CNTN3: variants seen among roughly 807,000 people sequenced by gnomAD.
The protein encoded by CNTN3 is contactin 3, also known as contactin-3.
Under a neutral mutation model 119.1 loss-of-function variants are expected in CNTN3, and 60 were observed. That is an observed-to-expected ratio of 0.50 (90% confidence interval 0.41 to 0.62). The LOEUF (loss-of-function observed/expected upper bound fraction) is 0.62, where lower values mean the gene tolerates loss of function less well. Among genes scored for constraint, CNTN3 ranks in the 20% least tolerant of loss-of-function variants. The probability of loss-of-function intolerance (pLI) is 0.00; values close to 1 mark genes in which losing one functional copy is unlikely to be tolerated. For synonymous variants in CNTN3, 450 were observed against 438.7 expected (o/e 1.03, Z -0.32); for missense variants, 1,101 against 1,242.4 (o/e 0.89, Z 1.71).
chr3:74,290,677 T>C (rs1250879972), intron 19 of CNTN3, among the ~76,000 whole-genome samples: 1 of 152,166 alleles, frequency 6.6e-6, no homozygotes, highest in African/African-American at 2.4e-5. Flanking sequence ...AGGACTGCCA[T>C]ATGTGTTCAT....
At chr3:74,413,854 A>G (rs898070459) in intron 5 of CNTN3, among the ~76,000 whole-genome samples, 4 of 152,220 alleles carry the variant, frequency 2.6e-5, no homozygotes, top group Non-Finnish European at 5.9e-5. Flanking sequence ...AAGGAAGGGG[A>G]TCAATTCTGA....
At chr3:74,577,193 T>C (rs528201800) in intron 1 of CNTN3, among the ~76,000 whole-genome samples, 63 of 152,306 alleles carry the variant, frequency 4.1e-4, no homozygotes, top group African/African-American at 1.4e-3. Context: ...CAAAGATGTT[T>C]TAGATGAATG....
intron 4 of CNTN3, among the ~76,000 whole-genome samples, chr3:74,467,805 G>C (rs943708113): frequency 2.0e-5 from 3 of 152,126 alleles, no homozygotes; most frequent in South Asian, 2.1e-4. Flanking sequence ...TTCTTTAGAA[G>C]TGACAGAAAA....
intron 1 of CNTN3, among the ~76,000 whole-genome samples, chr3:74,587,948 T>C (rs928264921): frequency 5.9e-5 from 9 of 152,152 alleles, no homozygotes; most frequent in African/African-American, 2.2e-4. Context: ...AGATAGCTCT[T>C]ATTATTTTGA....
chr3:74,613,541 C>A (rs1022142184), intron 1 of CNTN3, among the ~76,000 whole-genome samples: 1 of 152,098 alleles, frequency 6.6e-6, no homozygotes, highest in Non-Finnish European at 1.5e-5. Flanking sequence ...TTAAATAATA[C>A]CTCTGGACAC....
chr3:74,594,273 C>CT (rs59436860), intron 1 of CNTN3, among the ~76,000 whole-genome samples: 13,804 of 111,988 alleles, frequency 0.12, 1,229 homozygotes, highest in African/African-American at 0.26. Flanking sequence ...TTCTTTTTTT[C>CT]TTTTTTTTTT....
At chr3:74,282,826 A>C (rs1702040287) in intron 20 of CNTN3, among the ~76,000 whole-genome samples, 1 of 152,128 alleles carries the variant, frequency 6.6e-6, no homozygotes, top group Non-Finnish European at 1.5e-5. Context: ...TATTAACATA[A>C]AATTTAAAAA....
intron 1 of CNTN3, among the ~76,000 whole-genome samples, chr3:74,566,529 T>C (rs966559313): frequency 6.6e-6 from 1 of 152,194 alleles, no homozygotes; most frequent in East Asian, 1.9e-4. Context: ...CAGGATTCTG[T>C]GCCTCCTTTG....
chr3:74,323,499 C>T (rs1160920483), intron 13 of CNTN3, among the ~76,000 whole-genome samples: 3 of 152,022 alleles, frequency 2.0e-5, no homozygotes. Context: ...TTTGAGATAA[C>T]AAAGATACTC....
chr3:74,579,835 T>C (rs1306103014), intron 1 of CNTN3, among the ~76,000 whole-genome samples: 2 of 152,058 alleles, frequency 1.3e-5, no homozygotes, highest in African/African-American at 2.4e-5. Context: ...CAATCGGAGC[T>C]CTCGCTTTAG....
chr3:74,572,156 G>GT, intron 1 of CNTN3, among the ~76,000 whole-genome samples: 1 of 152,328 alleles, frequency 6.6e-6, no homozygotes, highest in East Asian at 1.9e-4. Flanking sequence ...AAGTAAGCCA[G>GT]TAAGTTCTCT....
intron 1 of CNTN3, among the ~76,000 whole-genome samples, chr3:74,587,095 G>C (rs1160733046): frequency 6.6e-6 from 1 of 151,972 alleles, no homozygotes; most frequent in East Asian, 1.9e-4. Flanking sequence ...TACTTGGTAT[G>C]TATAGGAAAG....
At chr3:74,509,549 G>C (rs1045300505) in intron 2 of CNTN3, among the ~76,000 whole-genome samples, 1 of 152,082 alleles carries the variant, frequency 6.6e-6, no homozygotes, top group African/African-American at 2.4e-5. Flanking sequence ...ACCCACCTTG[G>C]CTTCCCAAAG....
At chr3:74,267,502 G>A (rs929640105) in intron 20 of CNTN3, 124 bp from the exon 21 acceptor site, 4 of 632,872 alleles carry the variant, frequency 6.3e-6, no homozygotes, top group African/African-American at 5.5e-5. Context: ...GTAATGCTTG[G>A]TGTAATAGAT....
intron 4 of CNTN3, among the ~76,000 whole-genome samples, chr3:74,485,743 A>G (rs1472831792): frequency 1.8e-5 from 2 of 111,862 alleles, no homozygotes; most frequent in South Asian, 2.6e-4. Context: ...ATAAAAAGAA[A>G]AAAAAAAAAG....
intron 5 of CNTN3, among the ~76,000 whole-genome samples, chr3:74,381,468 A>T (rs143435237): frequency 3.2e-4 from 49 of 152,258 alleles, no homozygotes; most frequent in Non-Finnish European, 6.3e-4. Context: ...TATAAATGCT[A>T]ATTTCTTTAG....
chr3:74,450,678 A>T (rs144691855), intron 4 of CNTN3, among the ~76,000 whole-genome samples: 1 of 97,908 alleles, frequency 1.0e-5, no homozygotes, highest in African/African-American at 4.1e-5. Flanking sequence ...CCACCCCACA[A>T]CACTCCCCAG....
intron 1 of CNTN3, among the ~76,000 whole-genome samples, chr3:74,555,959 G>T (rs1355168979): frequency 6.6e-6 from 1 of 152,018 alleles, no homozygotes; most frequent in Non-Finnish European, 1.5e-5. Flanking sequence ...TAACAATACG[G>T]TGTCTATTTG....
At chr3:74,308,984 C>T (rs1702622921) in intron 13 of CNTN3, among the ~76,000 whole-genome samples, 2 of 152,084 alleles carry the variant, frequency 1.3e-5, no homozygotes, top group Non-Finnish European at 2.9e-5. Flanking sequence ...CTAAGCTGGA[C>T]ACTGTCAAAG....
Sources: gnomAD v4.1 joint callset for allele counts (sites outside exome capture counted in the v4.1 genomes callset) on GRCh38, gnomAD v4.1.1 for gene constraint, MANE v1.5 for transcripts, NCBI Gene and HGNC (gene_info 2026-07-23, HGNC 2026-07-21) for gene names.